Variants in ADAMTS16 observed in about 807,000 individuals in gnomAD.
ADAMTS16 encodes ADAM metallopeptidase with thrombospondin type 1 motif 16.
In ADAMTS16, 94 loss-of-function variants were observed where a neutral mutation model predicts 145.8. The observed-to-expected ratio is 0.64, with a 90% CI of 0.55 to 0.77. The LOEUF (loss-of-function observed/expected upper bound fraction) is 0.77, where lower values mean the gene tolerates loss of function less well. ADAMTS16 is among the 30% of genes least tolerant of loss of function. The pLI is 0.00. For synonymous variants in ADAMTS16, 659 were observed against 604.3 expected, an observed-to-expected ratio of 1.09 and a Z score of -1.33; for missense variants, 1,585 against 1,591.5, an observed-to-expected ratio of 1.00 and a Z score of 0.07.
intron 18 of ADAMTS16, among the ~76,000 whole-genome samples, chr5:5,301,240 G>T (rs1739755464): frequency 6.6e-6 from 1 of 151,894 alleles, no homozygotes; most frequent in Non-Finnish European, 1.5e-5. Flanking sequence ...TGTATTTTTT[G>T]TGTGTGGAGA....
chr5:5,223,061 T>A, intron 11 of ADAMTS16, 177 bp downstream of exon 11: 1 of 559,326 alleles, frequency 1.8e-6, no homozygotes, highest in Non-Finnish European at 3.1e-6. Context: ...GAGGAATCCT[T>A]TTCTCACTTT....
At chr5:5,220,677 C>A (rs1736576134) in intron 10 of ADAMTS16, among the ~76,000 whole-genome samples, 1 of 152,114 alleles carries the variant, frequency 6.6e-6, no homozygotes, top group Non-Finnish European at 1.5e-5. Flanking sequence ...AGGCCCTGAG[C>A]TGAACACATT....
At chr5:5,309,373 T>G (rs953948827) in intron 21 of ADAMTS16, among the ~76,000 whole-genome samples, 1 of 152,218 alleles carries the variant, frequency 6.6e-6, no homozygotes, top group African/African-American at 2.4e-5. Context: ...GTTGATTTGG[T>G]TGGTTGATTT....
At chr5:5,145,226 C>A (rs546077463) in intron 2 of ADAMTS16, among the ~76,000 whole-genome samples, 2 of 152,170 alleles carry the variant, frequency 1.3e-5, no homozygotes, top group Non-Finnish European at 2.9e-5. Context: ...CACCAAATCA[C>A]TGTGAGAATA....
chr5:5,246,814 T>A (rs986179405), intron 17 of ADAMTS16, among the ~76,000 whole-genome samples: 1 of 152,208 alleles, frequency 6.6e-6, no homozygotes, highest in Non-Finnish European at 1.5e-5. Flanking sequence ...GTTCGGAGTG[T>A]ATAAGGACAG....
intron 4 of ADAMTS16, among the ~76,000 whole-genome samples, chr5:5,184,964 AG>A (rs903413070): frequency 1.5e-4 from 23 of 152,248 alleles, no homozygotes; most frequent in African/African-American, 5.3e-4. Context: ...TTTCGAAGGA[AG>A]GGGTGTGAGC....
At chr5:5,151,609 G>GCACA (rs1164833690) in intron 3 of ADAMTS16, among the ~76,000 whole-genome samples, 10 of 140,204 alleles carry the variant, frequency 7.1e-5, no homozygotes, top group Non-Finnish European at 1.2e-4. Flanking sequence ...ACACACACAC[G>GCACA]CACACACACA....
At chr5:5,251,570 A>G (rs1737623897) in intron 17 of ADAMTS16, among the ~76,000 whole-genome samples, 1 of 152,244 alleles carries the variant, frequency 6.6e-6, no homozygotes, top group Non-Finnish European at 1.5e-5. Flanking sequence ...ATATGTGTGC[A>G]TGTGACACAC....
chr5:5,250,465 T>C (rs965520296), intron 17 of ADAMTS16, among the ~76,000 whole-genome samples: 5 of 152,204 alleles, frequency 3.3e-5, no homozygotes, highest in African/African-American at 9.6e-5. Flanking sequence ...CCAATAGTGC[T>C]GGATTAACCA....
At chr5:5,232,282 A>G (rs1306661749) in intron 11 of ADAMTS16, 86 bp from the exon 12 acceptor site, 5 of 1,526,458 alleles carry the variant, frequency 3.3e-6, no homozygotes, top group African/African-American at 1.4e-5. Context: ...AAAATTCCCC[A>G]CTGCTCAGCC....
intron 20 of ADAMTS16, among the ~76,000 whole-genome samples, chr5:5,305,394 CCACACA>C (rs112974481): frequency 2.1e-5 from 1 of 47,394 alleles, no homozygotes; most frequent in Non-Finnish European, 4.7e-5. Context: ...CAATCCCACA[CCACACA>C]CACACACACA....
rs1307197481 is a variant in ADAMTS16 at position 5,305,418 on chromosome 5, CCACA to C, written c.3187-1079_3187-1076del. ...ACCACACACACACACACATCCCACA[CCACA>C]CACACAACCCACACCACACACACAC... On this transcript the variant is annotated intron_variant, in intron 20 of 22. Transcript: ENST00000274181. Among the ~76,000 whole-genome samples the C allele has an allele frequency of 3.5e-5, 2 of 56,840 alleles. 1 individual carries two copies. The highest frequency in any genetic ancestry group is 7.6e-5 in the Non-Finnish European group (2 of 26,328). 37.3% of individuals were successfully genotyped at this position (56,840 alleles called of 152,430 possible). A position where few individuals can be genotyped will look rare whatever the true frequency, so the allele number is the denominator to read the frequency against.
intron 10 of ADAMTS16, among the ~76,000 whole-genome samples, chr5:5,211,603 C>G (rs562225045): frequency 1.3e-5 from 2 of 152,110 alleles, no homozygotes; most frequent in African/African-American, 4.8e-5. Flanking sequence ...GTATGCCTGT[C>G]TTTTTCGTGC....
chr5:5,197,944 T>C (rs1735851804), intron 8 of ADAMTS16, among the ~76,000 whole-genome samples: 1 of 152,198 alleles, frequency 6.6e-6, no homozygotes, highest in Non-Finnish European at 1.5e-5. Context: ...ACTATACCAC[T>C]GCAGGCTTGG....
intron 3 of ADAMTS16, among the ~76,000 whole-genome samples, chr5:5,177,336 A>G (rs1735225371): frequency 6.6e-6 from 1 of 152,204 alleles, no homozygotes; most frequent in African/African-American, 2.4e-5. Flanking sequence ...CAAATGACTG[A>G]AATTGTGAAG....
chr5:5,319,481 A>G lies in ADAMTS16; in HGVS notation c.*343A>G, dbSNP rs566023693. On this transcript the variant is annotated 3_prime_UTR_variant, in exon 23 of 23. Coordinates refer to ENST00000274181, the MANE Select transcript of ADAMTS16 (RefSeq NM_139056.4). ...AAGTCAAAAAGACAGGCGAGGCTGAACTTGCTAAATGTCTGGTGCCTTAGA... is the reference window on the plus strand; with the variant it reads ...AAGTCAAAAAGACAGGCGAGGCTGAGCTTGCTAAATGTCTGGTGCCTTAGA... 6.2e-6 allele frequency: 2 copies of G among 324,238 alleles called. No homozygotes were observed. Among genetic ancestry groups the G allele is most frequent in the African/African-American group, 2.2e-5 (1 of 46,364 alleles). 20.1% of individuals were successfully genotyped at this position (324,238 alleles called of 1,614,324 possible).
intron 3 of ADAMTS16, among the ~76,000 whole-genome samples, chr5:5,170,078 C>G (rs6888696): frequency 0.17 from 26,496 of 152,102 alleles, 2,433 homozygotes; most frequent in South Asian, 0.26. Flanking sequence ...AATAGGATTG[C>G]TGAATCCTAT....
At chr5:5,236,301 C>CTT (rs71604119) in intron 13 of ADAMTS16, among the ~76,000 whole-genome samples, 18,050 of 148,778 alleles carry the variant, frequency 0.12, 1,164 homozygotes, top group East Asian at 0.17. Flanking sequence ...TGTCCCTCCC[C>CTT]TTTTTTTTTT....
intron 9 of ADAMTS16, among the ~76,000 whole-genome samples, chr5:5,201,404 A>T (rs560462669): frequency 6.6e-6 from 1 of 152,274 alleles, no homozygotes; most frequent in East Asian, 1.9e-4. Context: ...TGAAGAACAG[A>T]GGGAAGGGCA....
Sources: gnomAD v4.1 joint callset for allele counts (sites outside exome capture counted in the v4.1 genomes callset) on GRCh38, gnomAD v4.1.1 for gene constraint, MANE v1.5 for transcripts, NCBI Gene and HGNC (gene_info 2026-07-23, HGNC 2026-07-21) for gene names.